The following MED12L variants were observed in gnomAD, a reference collection of about 807,000 sequenced individuals.
MED12L encodes mediator complex subunit 12L.
MED12L carries 60 observed loss-of-function variants against 281.3 expected under a neutral mutation model. The ratio of observed to expected loss-of-function variants is 0.21; its 90% CI spans 0.17 to 0.26. The LOEUF (loss-of-function observed/expected upper bound fraction) is 0.26. MED12L is among the 10% of genes least tolerant of loss of function. MED12L has a pLI of 1.00. For missense variants in MED12L, 2,146 were observed against 2,680.9 expected, an observed-to-expected ratio of 0.80 and a Z score of 4.41; for synonymous variants, 974 against 987.2, an observed-to-expected ratio of 0.99 and a Z score of 0.25.
intron 11 of MED12L, among the ~76,000 whole-genome samples, chr3:151,183,305 C>A (rs1278027472): frequency 6.6e-6 from 1 of 152,204 alleles, no homozygotes; most frequent in Non-Finnish European, 1.5e-5. Flanking sequence ...GCCTCTTATT[C>A]TGCTCTGTGT....
intron 2 of MED12L, among the ~76,000 whole-genome samples, chr3:151,095,673 C>T (rs1227999045): frequency 6.6e-6 from 1 of 152,186 alleles, no homozygotes; most frequent in Non-Finnish European, 1.5e-5. Context: ...ACTTTGTTGG[C>T]TACTTCAACA....
intron 17 of MED12L, among the ~76,000 whole-genome samples, chr3:151,353,345 T>C (rs74508719): frequency 0.05 from 7,583 of 152,330 alleles, 221 homozygotes; most frequent in East Asian, 0.13. Flanking sequence ...GCTCATGACA[T>C]GTGAGCAGCT....
At position 151,435,401 on chromosome 3, in the gene MED12L, C is replaced by T. The variant is rs1235756074; in HGVS notation, c.*2597C>T. The stretch of plus-strand genomic sequence containing the variant: ...GGAGATCAATGCGTAGCTTTGACCA[C>T]TTCCAGCCACAGGGTACTAACATCA... On this transcript the variant is annotated 3_prime_UTR_variant, in exon 45 of 45. Coordinates refer to ENST00000687756, the MANE Select transcript of MED12L (RefSeq NM_001393769.1). 1 of 150,954 alleles carries T rather than the reference C, an allele frequency of 6.6e-6. No homozygotes were observed. 9.4% of individuals were successfully genotyped at this position (150,954 alleles called of 1,614,324 possible).
At chr3:151,357,492 T>G in intron 20 of MED12L, 116 bp downstream of exon 20, 2 of 892,310 alleles carry the variant, frequency 2.2e-6, no homozygotes, top group Non-Finnish European at 3.2e-6. Flanking sequence ...AGTTAAAACA[T>G]GGTTAAAGAA....
chr3:151,268,914 C>CA (rs1343581862), intron 16 of MED12L, among the ~76,000 whole-genome samples: 1 of 151,778 alleles, frequency 6.6e-6, no homozygotes, highest in Admixed American at 6.6e-5. Flanking sequence ...AGCCACAAAA[C>CA]AAAAAAAATT....
chr3:151,145,395 A>G (rs1193970868), intron 5 of MED12L, among the ~76,000 whole-genome samples: 2 of 152,192 alleles, frequency 1.3e-5, no homozygotes, highest in Non-Finnish European at 2.9e-5. Flanking sequence ...CATCCCACAT[A>G]TGGTAATGTT....
intron 16 of MED12L, among the ~76,000 whole-genome samples, chr3:151,195,794 T>A (rs958917038): frequency 1.3e-5 from 2 of 152,238 alleles, no homozygotes; most frequent in African/African-American, 4.8e-5. Flanking sequence ...TTCTCTTAAG[T>A]CATTTACATT....
intron 18 of MED12L, among the ~76,000 whole-genome samples, chr3:151,355,626 G>GTCTAAAAAT (rs764133443): frequency 1.1e-4 from 16 of 152,136 alleles, no homozygotes; most frequent in African/African-American, 3.6e-4. Flanking sequence ...AAATGGTTGT[G>GTCTAAAAAT]TCTAAAAATT....
intron 11 of MED12L, among the ~76,000 whole-genome samples, chr3:151,181,089 C>T (rs1326298189): frequency 1.5e-5 from 2 of 134,358 alleles, no homozygotes; most frequent in African/African-American, 5.6e-5. Flanking sequence ...TGCTGGCAAT[C>T]TTTTTTTAAA....
intron 40 of MED12L, among the ~76,000 whole-genome samples, chr3:151,410,385 C>T (rs970096993): frequency 6.6e-6 from 1 of 152,246 alleles, no homozygotes; most frequent in African/African-American, 2.4e-5. Context: ...TTGGCCTACA[C>T]AGGCACTGCG....
At position 151,206,619 on chromosome 3, in the gene MED12L, T is replaced by G. The variant is rs146385787; in HGVS notation, c.2250+12953T>G. 3.6e-4 allele frequency among the ~76,000 whole-genome samples: 54 copies of G among 150,052 alleles called. No homozygotes were observed. In the East Asian group the frequency reaches 6.9e-3, roughly 19 times the overall value. ...TTGTTTGTTTATGGTCCATTTCTTA[T>G]GAACTTATGACTAACACATTATCTT... On this transcript the variant is annotated intron_variant, in intron 16 of 44. Transcript: ENST00000687756.
At chr3:151,211,216 GC>G (rs1382823970) in intron 16 of MED12L, among the ~76,000 whole-genome samples, 1 of 152,160 alleles carries the variant, frequency 6.6e-6, no homozygotes, top group Non-Finnish European at 1.5e-5. Flanking sequence ...TTCTGCTTTA[GC>G]ACATGCTTAC....
intron 40 of MED12L, among the ~76,000 whole-genome samples, chr3:151,410,976 A>G (rs562263889): frequency 1.3e-5 from 2 of 152,238 alleles, no homozygotes; most frequent in African/African-American, 4.8e-5. Flanking sequence ...TCTATATAGA[A>G]ACATGCCCTT....
At chr3:151,241,437 C>G (rs1201950691) in intron 16 of MED12L, among the ~76,000 whole-genome samples, 1 of 151,988 alleles carries the variant, frequency 6.6e-6, no homozygotes, top group African/African-American at 2.4e-5. Context: ...ATGTGTTGAT[C>G]CCTAGCGACT....
At chr3:151,213,562 GC>G in intron 16 of MED12L, 1 of 1,614,172 alleles carries the variant, frequency 6.2e-7, no homozygotes. Flanking sequence ...GGGGATTCTG[GC>G]AATATGGTAA....
At chr3:151,313,050 T>C (rs1211509734) in intron 16 of MED12L, among the ~76,000 whole-genome samples, 1 of 152,174 alleles carries the variant, frequency 6.6e-6, no homozygotes, top group Non-Finnish European at 1.5e-5. Context: ...CACATGTTAT[T>C]TGTTCTTTGA....
intron 16 of MED12L, chr3:151,294,686 T>C: frequency 6.2e-7 from 1 of 1,614,164 alleles, no homozygotes; most frequent in Admixed American, 1.7e-5. Context: ...ATGGATATTG[T>C]CCTCTGTTGG....
intron 1 of MED12L, 44 bp from the exon 2 acceptor site, chr3:151,086,753 CG>C: frequency 1.8e-6 from 1 of 551,400 alleles, no homozygotes; most frequent in South Asian, 2.4e-5. Flanking sequence ...TGTCTGCTGC[CG>C]GGCAGCGGCA....
intron 16 of MED12L, among the ~76,000 whole-genome samples, chr3:151,211,790 G>C (rs144194610): frequency 1.3e-5 from 2 of 152,116 alleles, no homozygotes; most frequent in Non-Finnish European, 2.9e-5. Context: ...TGGGACTATC[G>C]GCGTATGCCA....
Sources: allele counts gnomAD v4.1 joint callset (sites outside exome capture counted in the v4.1 genomes callset), GRCh38; gene constraint gnomAD v4.1.1; transcripts MANE v1.5; gene names NCBI Gene and HGNC (gene_info 2026-07-23, HGNC 2026-07-21).